The following SLC22A5 variants were observed in gnomAD, a reference collection of about 807,000 sequenced individuals.
The protein encoded by SLC22A5 is organic cation/carnitine transporter 2.
A neutral mutation model predicts 56.7 loss-of-function variants in SLC22A5; 44 were observed. The ratio of observed to expected loss-of-function variants is 0.78; its 90% CI spans 0.61 to 1.00. The LOEUF is 1.00. Among genes scored for constraint, SLC22A5 ranks in the 50% least tolerant of loss-of-function variants. The pLI is 0.00. For synonymous variants in SLC22A5, 278 were observed against 292.1 expected, an observed-to-expected ratio of 0.95 and a Z score of 0.49; for missense variants, 675 against 723.0, an observed-to-expected ratio of 0.93 and a Z score of 0.76.
At chr5:132,393,655 G>A (rs1403774458) in intron 8 of SLC22A5, 21 bp from the exon 9 acceptor site, 1 of 1,613,980 alleles carries the variant, frequency 6.2e-7, no homozygotes, top group Admixed American at 1.7e-5. Context: ...TGGGCCTGAG[G>A]CTCCGTCTGC....
At chr5:132,387,202 GAGC>G (rs1752563056) in intron 5 of SLC22A5, 51 bp downstream of exon 5, 1 of 1,611,396 alleles carries the variant, frequency 6.2e-7, no homozygotes, top group Non-Finnish European at 8.5e-7. Context: ...CGTGATTTGA[GAGC>G]AGCAGCACCC....
chr5:132,375,682 A>G (rs7705471), intron 1 of SLC22A5, among the ~76,000 whole-genome samples: 4,125 of 152,290 alleles, frequency 0.027, 128 homozygotes, highest in African/African-American at 0.077. Flanking sequence ...TAAAGCATGC[A>G]ATTTGGCACA....
intron 6 of SLC22A5, chr5:132,390,432 A>G: frequency 1.8e-6 from 1 of 541,270 alleles, no homozygotes; most frequent in Non-Finnish European, 3.3e-6. Flanking sequence ...TGAATTATAC[A>G]AGCTTTTTTG....
At chr5:132,391,433 G>C (rs1014713143) in intron 7 of SLC22A5, among the ~76,000 whole-genome samples, 2 of 152,170 alleles carry the variant, frequency 1.3e-5, no homozygotes, top group African/African-American at 4.8e-5. Flanking sequence ...ACAAATGAAG[G>C]ACAATGCCGA....
In SLC22A5 at chr5:132,393,790, A is replaced by T. The variant is rs1443643991; in HGVS notation, c.1565A>T (p.Asp522Val). The T allele has an allele frequency of 1.9e-5, 31 of 1,613,948 alleles. No homozygotes were observed. Among genetic ancestry groups the T allele is most frequent in the Non-Finnish European group, 2.5e-5 (30 of 1,180,010 alleles). The change falls in exon 9 of 10, where the codon GAC (aspartate) becomes GTC (valine). Residue 522 changes from aspartate (D) to valine (V), a missense_variant. Coordinates refer to ENST00000245407, the MANE Select transcript of SLC22A5 (RefSeq NM_003060.4). ...GGTACCCCACTCCCAGACACCATTG[A>T]CCAGATGCTAAGAGTCAAAGGGTAA... ...SFGTPLPDTIDQMLRVKGMKH... is the reference protein window; with the variant it reads ...SFGTPLPDTIVQMLRVKGMKH...
chr5:132,386,125 G>A (rs756702292), intron 4 of SLC22A5, among the ~76,000 whole-genome samples: 10 of 152,184 alleles, frequency 6.6e-5, no homozygotes, highest in Admixed American at 3.3e-4. Context: ...GGTGGGGGGC[G>A]GCTACCTGGT....
chr5:132,387,093 G>T lies in SLC22A5; in HGVS notation c.893G>T (p.Arg298Leu), dbSNP rs747835354. The change falls in exon 5 of 10, where the codon CGC becomes CTC. Residue 298 changes from arginine to leucine, a missense_variant. Coordinates refer to ENST00000245407, the MANE Select transcript of SLC22A5 (RefSeq NM_003060.4). ...GRFEEAEVII[R>L]KAAKANGIVV... Reference sequence around the variant, plus strand: ...TTTGAAGAGGCAGAGGTGATCATCCGCAAGGCTGCCAAAGCCAATGGGATT... The same window carrying T: ...TTTGAAGAGGCAGAGGTGATCATCCTCAAGGCTGCCAAAGCCAATGGGATT... 5 of 1,614,114 alleles carry T rather than the reference G, an allele frequency of 3.1e-6. No individual in the cohort carries two copies. Among genetic ancestry groups the T allele is most frequent in the Admixed American group, 3.3e-5 (2 of 60,024 alleles).
At position 132,369,836 on chromosome 5, in the gene SLC22A5, G is replaced by A. The variant is rs1751811021; in HGVS notation, c.-137G>A. On this transcript the variant is annotated 5_prime_UTR_variant, in exon 1 of 10. Transcript: ENST00000245407. The stretch of plus-strand genomic sequence containing the variant: ...GACCAAGGCGGCGGTGTCAGCTCGC[G>A]AGCCTACCCTCCGCGGACGGTCTTG... 1 of 1,144,338 alleles carries A rather than the reference G, an allele frequency of 8.7e-7. No homozygotes were observed. The highest frequency in any genetic ancestry group is 3.0e-5 in the Admixed American group (1 of 32,838). The allele number at this position is 1,144,338 out of a possible 1,614,324, so 70.9% of individuals were successfully genotyped here. A position where few individuals can be genotyped will look rare whatever the true frequency, so the allele number is the denominator to read the frequency against.
chr5:132,385,194 C>T (rs113126617), intron 3 of SLC22A5, 134 bp from the exon 4 acceptor site: 57 of 837,158 alleles, frequency 6.8e-5, no homozygotes, highest in African/African-American at 3.5e-4. Context: ...GAACGCCATC[C>T]GCTCCCTAGC....
intron 1 of SLC22A5, among the ~76,000 whole-genome samples, chr5:132,371,746 C>G (rs1172390435): frequency 1.3e-5 from 2 of 152,068 alleles, no homozygotes; most frequent in African/African-American, 4.8e-5. Context: ...AGTGCAGCAG[C>G]AAGAAACCAC....
intron 1 of SLC22A5, among the ~76,000 whole-genome samples, chr5:132,372,250 C>T (rs1482869379): frequency 1.3e-5 from 2 of 152,150 alleles, no homozygotes. Context: ...GGTGTGTTAC[C>T]TTCCCGGAAG....
rs1347493025 is a variant in SLC22A5, at chr5:132,394,281, C to T, written c.*9C>T. 1 of 1,584,608 alleles carries T rather than the reference C, an allele frequency of 6.3e-7. No individual in the cohort carries two copies. Among genetic ancestry groups the T allele is most frequent in the Non-Finnish European group, 8.7e-7 (1 of 1,153,088 alleles). ...AAAGCACAGCCTTCTAACATCGCTT[C>T]CAGTAAGGGAGAAACTGAAGAGGAA... is the stretch of plus-strand genomic sequence containing the variant. On this transcript the variant is annotated 3_prime_UTR_variant, in exon 10 of 10. Coordinates refer to ENST00000245407, the MANE Select transcript of SLC22A5 (RefSeq NM_003060.4).
chr5:132,392,676 A>G lies in SLC22A5; in HGVS notation c.1450+61A>G, dbSNP rs1752745879. On this transcript the variant is annotated intron_variant, in intron 8 of 9. Transcript: ENST00000245407. ...GGGATGGAAGTACTAACTGGCTTGA[A>G]TGTGAGCTGGAGGTTGCGTGTTAAC... is the stretch of plus-strand genomic sequence containing the variant. 3 of 1,445,140 alleles carry G rather than the reference A, an allele frequency of 2.1e-6. No individual in the cohort carries two copies. The African/African-American group carries it at 4.2e-5, about 20-fold the overall frequency. The allele number at this position is 1,445,140 out of a possible 1,614,324, so 89.5% of individuals were successfully genotyped here. A position where few individuals can be genotyped will look rare whatever the true frequency, so the allele number is the denominator to read the frequency against.
At chr5:132,375,716 C>A (rs943359320) in intron 1 of SLC22A5, among the ~76,000 whole-genome samples, 7 of 152,190 alleles carry the variant, frequency 4.6e-5, no homozygotes, top group Non-Finnish European at 1.0e-4. Flanking sequence ...ACCCTTGAAA[C>A]CATCACCACT....
rs1347493025 is a variant in SLC22A5, at chr5:132,394,281, C to A, written c.*9C>A. 4 of 1,584,490 alleles carry A rather than the reference C, an allele frequency of 2.5e-6. No individual in the cohort carries two copies. The East Asian group carries it at 6.7e-5, about 27-fold the overall frequency. ...AAAGCACAGCCTTCTAACATCGCTT[C>A]CAGTAAGGGAGAAACTGAAGAGGAA... On this transcript the variant is annotated 3_prime_UTR_variant, in exon 10 of 10. Transcript: ENST00000245407.
chr5:132,382,952 C>T (rs554430834), intron 2 of SLC22A5: 1 of 152,188 alleles, frequency 6.6e-6, no homozygotes, highest in Admixed American at 6.5e-5. Context: ...TGACTTTTTC[C>T]TCCTGTTTGT....
intron 3 of SLC22A5, 23 bp downstream of exon 3, chr5:132,384,324 G>A (rs1463913528): frequency 6.2e-7 from 1 of 1,610,908 alleles, no homozygotes; most frequent in Non-Finnish European, 8.5e-7. Context: ...GGTTGGAGTT[G>A]AGTACTTGAT....
rs1752813583 is a variant in SLC22A5, at chr5:132,394,455, C to T, written c.*183C>T. 5 of 637,712 alleles carry T rather than the reference C, an allele frequency of 7.8e-6. No individual in the cohort carries two copies. Among genetic ancestry groups the T allele is most frequent in the South Asian group, 5.6e-5 (3 of 53,256 alleles). The allele number at this position is 637,712 out of a possible 1,614,324, so 39.5% of individuals were successfully genotyped here. Reference sequence around the variant, plus strand: ...GGCTACATATGGCCCTAGAGCACCACCTTCCTCTAGGGACACTGGGGCTAC... The same window carrying T: ...GGCTACATATGGCCCTAGAGCACCATCTTCCTCTAGGGACACTGGGGCTAC... On this transcript the variant is annotated 3_prime_UTR_variant, in exon 10 of 10. Coordinates refer to ENST00000245407, the MANE Select transcript of SLC22A5 (RefSeq NM_003060.4).
At chr5:132,390,535 A>G (rs1178872977) in intron 6 of SLC22A5, 155 bp from the exon 7 acceptor site, 13 of 715,348 alleles carry the variant, frequency 1.8e-5, no homozygotes, top group Non-Finnish European at 2.8e-5. Context: ...CTTTTGATCT[A>G]TGAAGTAAGA....
Sources: allele counts gnomAD v4.1 joint callset (sites outside exome capture counted in the v4.1 genomes callset), GRCh38; gene constraint gnomAD v4.1.1; transcripts MANE v1.5; gene names NCBI Gene and HGNC (gene_info 2026-07-23, HGNC 2026-07-21).